Variants in FBXW8 observed in about 807,000 individuals in gnomAD.
The protein encoded by FBXW8 is F-box and WD repeat domain containing 8.
FBXW8 carries 57 observed loss-of-function variants against 65.3 expected under a neutral mutation model. The ratio of observed to expected loss-of-function variants is 0.87; its 90% confidence interval spans 0.71 to 1.09. The LOEUF (loss-of-function observed/expected upper bound fraction) is 1.09, where lower values mean the gene tolerates loss of function less well. Among genes scored for constraint, FBXW8 ranks in the 50% least tolerant of loss-of-function variants. FBXW8 has a pLI of 0.00. For synonymous variants in FBXW8, 308 were observed against 330.2 expected (o/e 0.93, Z 0.73); for missense variants, 777 against 814.8 (o/e 0.95, Z 0.57).
intron 3 of FBXW8, among the ~76,000 whole-genome samples, chr12:116,947,529 C>G (rs984918581): frequency 6.6e-6 from 1 of 152,036 alleles, no homozygotes; most frequent in African/African-American, 2.4e-5. Flanking sequence ...GGATGGATCA[C>G]TTGAGGTTAG....
intron 1 of FBXW8, among the ~76,000 whole-genome samples, chr12:116,925,470 C>G (rs1881251857): frequency 6.6e-6 from 1 of 152,186 alleles, no homozygotes; most frequent in African/African-American, 2.4e-5. Context: ...CATTTGGTCT[C>G]CTCACCTTGG....
intron 2 of FBXW8, among the ~76,000 whole-genome samples, chr12:116,931,819 C>G (rs1255456041): frequency 6.6e-6 from 1 of 151,950 alleles, no homozygotes; most frequent in East Asian, 1.9e-4. Context: ...TAACTTCCTC[C>G]TTTCTGCTTG....
intron 7 of FBXW8, among the ~76,000 whole-genome samples, chr12:116,991,838 C>T (rs1953247883): frequency 6.6e-6 from 1 of 152,224 alleles, no homozygotes; most frequent in Non-Finnish European, 1.5e-5. Context: ...GCTCCCTAAC[C>T]TGTTGAAGTA....
chr12:117,018,575 C>A (rs922851972), intron 8 of FBXW8, among the ~76,000 whole-genome samples: 1 of 150,888 alleles, frequency 6.6e-6, no homozygotes, highest in South Asian at 2.1e-4. Context: ...GGACTTAGCA[C>A]ACTGTGCTGT....
chr12:116,922,066 A>G (rs1354843594), intron 1 of FBXW8, among the ~76,000 whole-genome samples: 2 of 152,052 alleles, frequency 1.3e-5, no homozygotes, highest in African/African-American at 4.8e-5. Flanking sequence ...CTGGCCCCTA[A>G]TGATCTGTCT....
chr12:116,933,159 T>G (rs1414590074), intron 2 of FBXW8, among the ~76,000 whole-genome samples: 1 of 152,318 alleles, frequency 6.6e-6, no homozygotes, highest in Non-Finnish European at 1.5e-5. Flanking sequence ...CTCCCAAGAG[T>G]TGAAAACAAG....
chr12:116,989,748 AT>A (rs1331605585), intron 7 of FBXW8, among the ~76,000 whole-genome samples: 12 of 152,152 alleles, frequency 7.9e-5, no homozygotes, highest in Non-Finnish European at 5.9e-5. Flanking sequence ...CTCCTGACCC[AT>A]TCTGTCAGTT....
At chr12:116,964,961 GCA>G (rs768538041) in intron 5 of FBXW8, 107 bp downstream of exon 5, 2 of 1,147,272 alleles carry the variant, frequency 1.7e-6, no homozygotes, top group Non-Finnish European at 1.2e-6. Context: ...GTACACGTGG[GCA>G]CACACACATG....
At chr12:117,018,636 T>A (rs1222858343) in intron 8 of FBXW8, among the ~76,000 whole-genome samples, 2 of 152,256 alleles carry the variant, frequency 1.3e-5, no homozygotes, top group Non-Finnish European at 1.5e-5. Flanking sequence ...TAAGGAGATG[T>A]CAGAAAAATG....
chr12:116,926,696 G>T (rs747870261), intron 1 of FBXW8, among the ~76,000 whole-genome samples: 3 of 151,606 alleles, frequency 2.0e-5, no homozygotes, highest in Non-Finnish European at 2.9e-5. Context: ...TTAACATTCT[G>T]TTCCTTCTCT....
intron 5 of FBXW8, among the ~76,000 whole-genome samples, chr12:116,982,647 AAG>A (rs1021228824): frequency 1.3e-5 from 2 of 151,446 alleles, no homozygotes; most frequent in African/African-American, 4.9e-5. Flanking sequence ...TTTTCCCAAA[AAG>A]ACTCTTCTCA....
intron 4 of FBXW8, 164 bp downstream of exon 4, chr12:116,949,870 G>A (rs1288080351): frequency 1.5e-6 from 1 of 673,808 alleles, no homozygotes; most frequent in Non-Finnish European, 2.7e-6. Context: ...TGTTCCCAAG[G>A]ACGTGAGAGC....
Position 116,988,312 on chromosome 12 carries a change from C to G in FBXW8, c.1033-351C>G, listed in dbSNP as rs142239277. Among the ~76,000 whole-genome samples the G allele has an allele frequency of 3.4e-4, 52 of 152,306 alleles. No individual in the cohort carries two copies. The East Asian group carries it at 9.3e-3, about 27-fold the overall frequency. On this transcript the variant is annotated intron_variant, in intron 6 of 10. Transcript: ENST00000652555. ...TACAAGTTGGACAAGATTATATCCC[C>G]ACCAGCAGTAAGTGGGATCCAGAAA...
intron 4 of FBXW8, among the ~76,000 whole-genome samples, chr12:116,951,844 C>G (rs553771701): frequency 6.6e-6 from 1 of 152,178 alleles, no homozygotes; most frequent in Non-Finnish European, 1.5e-5. Flanking sequence ...CGTTGATAAA[C>G]GCATTTGACA....
intron 7 of FBXW8, among the ~76,000 whole-genome samples, chr12:116,997,799 G>T (rs1953411609): frequency 1.3e-5 from 2 of 152,288 alleles, no homozygotes; most frequent in Non-Finnish European, 1.5e-5. Flanking sequence ...ACTTTCCCAA[G>T]AATTGTTTTT....
Position 117,028,106 on chromosome 12 carries a change from A to C in FBXW8, c.1731A>C (p.Ser577=). 6.2e-7 allele frequency: 1 copy of C among 1,614,138 alleles called. No homozygotes were observed. The highest frequency in any genetic ancestry group is 8.5e-7 in the Non-Finnish European group (1 of 1,180,020). The change falls in exon 11 of 11, where the codon TCA becomes TCC. Residue 577 remains serine (S), a synonymous_variant. Transcript: ENST00000652555. This position sits in a 1 kb window ranked among gnomAD's most constrained non-coding sequence, Gnocchi z 4.1. ...AGAGCCCTCTCCCTGTCTGCCGTTC[A>C]TCCTGTGACGCCATGGCCACTCACT... ...AFQSPLPVCR[S]SCDAMATHYY...
rs150862692 is a variant in FBXW8, at chr12:116,936,959, G to A, written c.424-8405G>A. On this transcript the variant is annotated intron_variant, in intron 2 of 10. Coordinates refer to ENST00000652555, the MANE Select transcript of FBXW8 (RefSeq NM_153348.3). The surrounding 1 kb of genome is among the most constrained non-coding windows in gnomAD (Gnocchi z 4.6). ...CATTTGGGCTGCTGTGTGGAGAATC[G>A]GTTGTTGGGGGACAAGGACAGCAGC... Among the ~76,000 whole-genome samples, 48 of 152,196 alleles carry A rather than the reference G, an allele frequency of 3.2e-4. 1 individual carries two copies. The East Asian group carries it at 8.1e-3, about 26-fold the overall frequency.
intron 8 of FBXW8, among the ~76,000 whole-genome samples, chr12:117,020,827 C>T (rs757537784): frequency 4.6e-5 from 7 of 152,188 alleles, no homozygotes; most frequent in Non-Finnish European, 1.0e-4. Flanking sequence ...TCACTTCCTA[C>T]GTGAGCTCAG....
intron 7 of FBXW8, among the ~76,000 whole-genome samples, chr12:117,008,191 A>C (rs1289498902): frequency 3.9e-5 from 6 of 152,228 alleles, no homozygotes; most frequent in Non-Finnish European, 7.3e-5. Flanking sequence ...TACCATCAAC[A>C]TTCTACCGAC....
Sources: gnomAD v4.1 joint callset for allele counts (sites outside exome capture counted in the v4.1 genomes callset) on GRCh38, gnomAD v4.1.1 for gene constraint, Gnocchi (gnomAD v3.1) non-coding constraint, MANE v1.5 for transcripts, NCBI Gene and HGNC (gene_info 2026-07-23, HGNC 2026-07-21) for gene names.